Variants in PHACTR2 observed in about 807,000 individuals in gnomAD.
PHACTR2 encodes chromosome 6 open reading frame 56.
In PHACTR2, 30 loss-of-function variants were observed where a neutral mutation model predicts 76.0. The ratio of observed to expected loss-of-function variants is 0.39; its 90% CI spans 0.30 to 0.54. The LOEUF (loss-of-function observed/expected upper bound fraction) is 0.54, where lower values mean the gene tolerates loss of function less well. Ranked by LOEUF, PHACTR2 falls within the 20% of genes least tolerant of loss-of-function variation. PHACTR2 has a pLI of 0.61. For missense variants in PHACTR2, 696 were observed against 781.1 expected, an observed-to-expected ratio of 0.89 and a Z score of 1.30; for synonymous variants, 292 against 292.5, an observed-to-expected ratio of 1.00 and a Z score of 0.02.
Position 143,722,659 on chromosome 6 carries a change from C to A in PHACTR2, c.214+10476C>A, listed in dbSNP as rs1177318545. Among the ~76,000 whole-genome samples, 2 of 152,060 alleles carry A rather than the reference C, an allele frequency of 1.3e-5. No individual in the cohort carries two copies. Among genetic ancestry groups the A allele is most frequent in the Non-Finnish European group, 2.9e-5 (2 of 68,012 alleles). ...ACTCTTTTAGTTATTTTGAGATATA[C>A]AATATTGTTAGCTATAGTCACCCCA... On this transcript the variant is annotated intron_variant, in intron 2 of 12. Transcript: ENST00000440869. The surrounding 1 kb of genome is among the most constrained non-coding windows in gnomAD (Gnocchi z 4.1).
rs1282778572 is a variant in PHACTR2 at position 143,712,012 on chromosome 6, A to G, written c.47-4A>G. 1 of 1,598,230 alleles carries G rather than the reference A, an allele frequency of 6.3e-7. No individual in the cohort carries two copies. Among genetic ancestry groups the G allele is most frequent in the South Asian group, 1.1e-5 (1 of 88,406 alleles). ...TTTCTCTGTCTATATCTTTCTTTATACAGTTGACGGACTGGACAAAGCTTC... is the reference window on the plus strand; with the variant it reads ...TTTCTCTGTCTATATCTTTCTTTATGCAGTTGACGGACTGGACAAAGCTTC... On this transcript the variant is annotated splice_region_variant and splice_polypyrimidine_tract_variant and intron_variant, in intron 1 of 12. Coordinates refer to ENST00000440869, the MANE Select transcript of PHACTR2 (RefSeq NM_001100164.2).
chr6:143,552,732 T>G (rs1584053356), intron 1 of PHACTR2, among the ~76,000 whole-genome samples: 1 of 151,832 alleles, frequency 6.6e-6, no homozygotes, highest in Non-Finnish European at 1.5e-5. Flanking sequence ...GGTGAAACCC[T>G]GTCTCTACTA....
intron 1 of PHACTR2, among the ~76,000 whole-genome samples, chr6:143,631,310 C>T (rs546077005): frequency 6.6e-6 from 1 of 152,262 alleles, no homozygotes; most frequent in South Asian, 2.1e-4. Flanking sequence ...CCTGCCTCAG[C>T]CTCCCTAGTA....
chr6:143,632,197 G>A (rs1037996375), intron 1 of PHACTR2, among the ~76,000 whole-genome samples: 21 of 152,232 alleles, frequency 1.4e-4, no homozygotes, highest in Middle Eastern at 3.4e-3. Flanking sequence ...TCCCTATCTC[G>A]AGCACTGCCT....
rs1052245425 is a variant in PHACTR2 at position 143,589,253 on chromosome 6, G to A, written c.217+52046G>A. Among the ~76,000 whole-genome samples the A allele has an allele frequency of 2.0e-5, 3 of 152,184 alleles. No homozygotes were observed. Among genetic ancestry groups the A allele is most frequent in the Non-Finnish European group, 4.4e-5 (3 of 68,030 alleles). On this transcript the variant is annotated intron_variant, in intron 1 of 11. Coordinates refer to the PHACTR2 transcript ENST00000367584. The surrounding 1 kb of genome is among the most constrained non-coding windows in gnomAD (Gnocchi z 4.4). The stretch of plus-strand genomic sequence containing the variant: ...ATCTCCAGTGTTGGAGGAGGGGTCT[G>A]GTGGGAGGTGATTGGATCATGGGGG...
rs1163363890 is a variant in PHACTR2 at position 143,539,414 on chromosome 6, G to T, written c.217+2207G>T. 6.6e-6 allele frequency among the ~76,000 whole-genome samples: 1 copy of T among 152,220 alleles called. No homozygotes were observed. Among genetic ancestry groups the T allele is most frequent in the East Asian group, 1.9e-4 (1 of 5,198 alleles). On this transcript the variant is annotated intron_variant, in intron 1 of 11. Coordinates refer to the PHACTR2 transcript ENST00000367584. This position sits in a 1 kb window ranked among gnomAD's most constrained non-coding sequence, Gnocchi z 4.3. The stretch of plus-strand genomic sequence containing the variant: ...AGCTCCCTGCTCTTAGAGTCAGAGA[G>T]AAAAAGAATGAGCAGGTCCTTCACT...
intron 1 of PHACTR2, among the ~76,000 whole-genome samples, chr6:143,613,760 T>C (rs987402514): frequency 1.3e-5 from 2 of 152,204 alleles, no homozygotes; most frequent in Admixed American, 6.5e-5. Flanking sequence ...ATTTTGGTGA[T>C]AGAGGAATCA....
At chr6:143,699,186 A>G (rs1437119494) in intron 1 of PHACTR2, among the ~76,000 whole-genome samples, 1 of 151,790 alleles carries the variant, frequency 6.6e-6, no homozygotes, top group Non-Finnish European at 1.5e-5. Flanking sequence ...CTCCACCCCA[A>G]ATCTCGCTAT....
At position 143,580,447 on chromosome 6, in the gene PHACTR2, T is replaced by A. The variant is rs1027234522; in HGVS notation, c.217+43240T>A. Among the ~76,000 whole-genome samples the A allele has an allele frequency of 8.5e-5, 13 of 152,180 alleles. No homozygotes were observed. The highest frequency in any genetic ancestry group is 1.3e-4 in the Non-Finnish European group (9 of 68,030). ...TTGCAGTGAGCCGAGATCGTGCCACTGCACTCCAGCCTGGGCGACAGAGCG... is the reference window on the plus strand; with the variant it reads ...TTGCAGTGAGCCGAGATCGTGCCACAGCACTCCAGCCTGGGCGACAGAGCG... On this transcript the variant is annotated intron_variant, in intron 1 of 11. Coordinates refer to the PHACTR2 transcript ENST00000367584. The surrounding 1 kb of genome is among the most constrained non-coding windows in gnomAD (Gnocchi z 4.2).
chr6:143,739,827 C>G lies in PHACTR2; in HGVS notation c.215-9158C>G, dbSNP rs1582828630. Among the ~76,000 whole-genome samples the G allele has an allele frequency of 6.6e-6, 1 of 152,146 alleles. No homozygotes were observed. Among genetic ancestry groups the G allele is most frequent in the East Asian group, 1.9e-4 (1 of 5,182 alleles). On this transcript the variant is annotated intron_variant, in intron 2 of 12. Coordinates refer to ENST00000440869, the MANE Select transcript of PHACTR2 (RefSeq NM_001100164.2). This position sits in a 1 kb window ranked among gnomAD's most constrained non-coding sequence, Gnocchi z 4.3. ...ATTCCCTTCTGCTGTTTGCGCAGGT[C>G]TAAGACAATCACCTCTTCCCTCCTC...
In PHACTR2 at chr6:143,547,758, A is replaced by T. The variant is rs1179578789; in HGVS notation, c.217+10551A>T. On this transcript the variant is annotated intron_variant, in intron 1 of 11. Transcript: ENST00000367584. This position sits in a 1 kb window ranked among gnomAD's most constrained non-coding sequence, Gnocchi z 4.2. The stretch of plus-strand genomic sequence containing the variant: ...CCGGGAAGGAGAGTGTGGCTTCATG[A>T]TACCTTGCGGCCAGGAACTGATACA... Among the ~76,000 whole-genome samples the T allele has an allele frequency of 6.6e-6, 1 of 152,192 alleles. No homozygotes were observed.
In PHACTR2 at chr6:143,780,735, G is replaced by A. The variant is rs183635933; in HGVS notation, c.1646-2484G>A. Among the ~76,000 whole-genome samples, 11 of 152,216 alleles carry A rather than the reference G, an allele frequency of 7.2e-5. No individual in the cohort carries two copies. The highest frequency in any genetic ancestry group is 1.4e-4 in the African/African-American group (6 of 41,540). ...CGGAAATGCTTCTTGCGGGTCGTCC[G>A]AAATGTTCGCCCCTCTCTGCTCTGA... On this transcript the variant is annotated intron_variant, in intron 9 of 12. Transcript: ENST00000440869. This position sits in a 1 kb window ranked among gnomAD's most constrained non-coding sequence, Gnocchi z 4.4.
chr6:143,765,371 G>T lies in PHACTR2; in HGVS notation c.805G>T (p.Ala269Ser). The change falls in exon 6 of 13, where the codon GCA (alanine) becomes TCA (serine). Residue 269 changes from alanine (A) to serine (S), a missense_variant. Physicochemically the swap from Ala to Ser is moderately conservative, Grantham distance 99 (BLOSUM62 1). Around this residue, in one of 2 missense-constraint regions of PHACTR2, gnomAD observed 460 missense variants for 450.9 expected, o/e 1.02. Transcript: ENST00000440869. The surrounding 1 kb of genome is among the most constrained non-coding windows in gnomAD (Gnocchi z 4.1). The part of the protein sequence containing the change: ...KASKETVSSK[A>S]GTVGTTKGKR... Reference sequence around the variant, plus strand: ...TTCAAAGGAGACAGTTTCTAGCAAAGCAGGGACAGTGGGGACCACCAAGGG... The same window carrying T: ...TTCAAAGGAGACAGTTTCTAGCAAATCAGGGACAGTGGGGACCACCAAGGG... 1 of 1,614,198 alleles carries T rather than the reference G, an allele frequency of 6.2e-7. No homozygotes were observed. Among genetic ancestry groups the T allele is most frequent in the South Asian group, 1.1e-5 (1 of 91,088 alleles).
intron 2 of PHACTR2, among the ~76,000 whole-genome samples, chr6:143,726,605 T>C (rs932460980): frequency 6.6e-6 from 1 of 152,218 alleles, no homozygotes; most frequent in African/African-American, 2.4e-5. Context: ...ATTTCCTTTT[T>C]TCAAAGACTG....
In PHACTR2 at chr6:143,722,383, G is replaced by C. The variant is rs1562282529; in HGVS notation, c.214+10200G>C. 6.6e-6 allele frequency among the ~76,000 whole-genome samples: 1 copy of C among 151,904 alleles called. No individual in the cohort carries two copies. Among genetic ancestry groups the C allele is most frequent in the Admixed American group, 6.6e-5 (1 of 15,242 alleles). On this transcript the variant is annotated intron_variant, in intron 2 of 12. Coordinates refer to ENST00000440869, the MANE Select transcript of PHACTR2 (RefSeq NM_001100164.2). The surrounding 1 kb of genome is among the most constrained non-coding windows in gnomAD (Gnocchi z 4.1). The stretch of plus-strand genomic sequence containing the variant: ...TATCTGGTTTTATACCATTTTGTGG[G>C]TGTTTTCTTCTCTCTTGAATTCAAC...
chr6:143,642,186 CT>C (rs1405583840), intron 1 of PHACTR2, among the ~76,000 whole-genome samples: 1 of 152,098 alleles, frequency 6.6e-6, no homozygotes, highest in East Asian at 1.9e-4. Flanking sequence ...AATCAATGTC[CT>C]ATTATTATTA....
chr6:143,543,946 G>A lies in PHACTR2; in HGVS notation c.217+6739G>A, dbSNP rs79974162. Among the ~76,000 whole-genome samples, 11,994 of 152,198 alleles carry A rather than the reference G, an allele frequency of 0.079. 555 individuals carry two copies. The highest frequency in any genetic ancestry group is 0.17 in the South Asian group (829 of 4,824). ...GGCTCAGAAAACAATACCGCAAAGCGTGGTGCTTTGATGTGCTGAGTATTT... is the reference window on the plus strand; with the variant it reads ...GGCTCAGAAAACAATACCGCAAAGCATGGTGCTTTGATGTGCTGAGTATTT... On this transcript the variant is annotated intron_variant, in intron 1 of 11. Transcript: ENST00000367584. The surrounding 1 kb of genome is among the most constrained non-coding windows in gnomAD (Gnocchi z 4.7).
intron 1 of PHACTR2, among the ~76,000 whole-genome samples, chr6:143,566,972 T>A (rs938000444): frequency 3.9e-5 from 6 of 152,142 alleles, no homozygotes; most frequent in African/African-American, 1.2e-4. Context: ...GTTTGACCCA[T>A]TCCATTTGGT....
At position 143,795,089 on chromosome 6, in the gene PHACTR2, G is replaced by A. The variant is rs1256983763; in HGVS notation, c.1845+6179G>A. Among the ~76,000 whole-genome samples the A allele has an allele frequency of 6.6e-6, 1 of 152,140 alleles. No homozygotes were observed. Among genetic ancestry groups the A allele is most frequent in the East Asian group, 1.9e-4 (1 of 5,184 alleles). ...GTGGGAGAAATGCCTTATTAATTGT[G>A]AACTTGATTGAGCTTTATTCACCTT... On this transcript the variant is annotated intron_variant, in intron 11 of 12. Transcript: ENST00000440869. The surrounding 1 kb of genome is among the most constrained non-coding windows in gnomAD (Gnocchi z 4.8).
Sources: allele counts gnomAD v4.1 joint callset (sites outside exome capture counted in the v4.1 genomes callset), GRCh38; gene constraint gnomAD v4.1.1; regional missense constraint gnomAD v4.1.1; non-coding constraint Gnocchi (gnomAD v3.1); transcripts MANE v1.5; gene names NCBI Gene and HGNC (gene_info 2026-07-23, HGNC 2026-07-21).